Variants in GPATCH2L observed in about 807,000 individuals in gnomAD.
The protein encoded by GPATCH2L is G-patch domain containing 2 like, also known as G patch domain-containing protein 2-like.
GPATCH2L carries 31 observed loss-of-function variants against 57.4 expected under a neutral mutation model. That is an observed-to-expected ratio of 0.54 (90% CI 0.41 to 0.73). GPATCH2L has a LOEUF of 0.73. Among genes scored for constraint, GPATCH2L ranks in the 30% least tolerant of loss-of-function variants. The pLI is 0.00. For missense variants in GPATCH2L, 481 were observed against 599.9 expected (o/e 0.80, Z 2.07); for synonymous variants, 199 against 210.7 (o/e 0.94, Z 0.48).
At position 76,214,208 on chromosome 14, in the gene GPATCH2L, T is replaced by C. The variant is rs917801248; in HGVS notation, c.*12357T>C. 2 of 152,190 alleles carry C rather than the reference T, an allele frequency of 1.3e-5. No homozygotes were observed. The highest frequency in any genetic ancestry group is 4.8e-5 in the African/African-American group (2 of 41,446). 9.4% of individuals were successfully genotyped at this position (152,190 alleles called of 1,614,324 possible). On this transcript the variant is annotated 3_prime_UTR_variant, in exon 10 of 10. Coordinates refer to ENST00000261530, the MANE Select transcript of GPATCH2L (RefSeq NM_017926.4). Reference sequence around the variant, plus strand: ...ATCTTTAAAATGTGGTGTCATCCTATCCAAGAATAGGAGATGTATTTCCAT... The same window carrying C: ...ATCTTTAAAATGTGGTGTCATCCTACCCAAGAATAGGAGATGTATTTCCAT...
chr14:76,176,462 C>T (rs1289967062), intron 5 of GPATCH2L, 161 bp from the exon 6 acceptor site: 5 of 607,950 alleles, frequency 8.2e-6, no homozygotes, highest in South Asian at 6.1e-5. Flanking sequence ...AGATGGATTC[C>T]AATAAAAAGA....
chr14:76,179,420 A>G (rs145321881), intron 7 of GPATCH2L: 1 of 152,254 alleles, frequency 6.6e-6, no homozygotes, highest in Admixed American at 6.5e-5. Context: ...GAGAGACTGC[A>G]GTTTGGGGAA....
chr14:76,190,441 G>A (rs998753234), intron 8 of GPATCH2L, among the ~76,000 whole-genome samples: 3 of 151,854 alleles, frequency 2.0e-5, no homozygotes, highest in Non-Finnish European at 4.4e-5. Flanking sequence ...ACCACAGTGG[G>A]GAAACTATGA....
intron 6 of GPATCH2L, 140 bp downstream of exon 6, chr14:76,176,830 A>T (rs2039348054): frequency 1.6e-6 from 1 of 624,958 alleles, no homozygotes; most frequent in Admixed American, 2.7e-5. Flanking sequence ...ACAGTTAAAT[A>T]TGGCAACATC....
intron 4 of GPATCH2L, 69 bp from the exon 5 acceptor site, chr14:76,173,477 G>A: frequency 2.1e-6 from 2 of 952,898 alleles, no homozygotes; most frequent in African/African-American, 3.2e-5. Context: ...AGCCTTCAGT[G>A]TACTAGAAAC....
At chr14:76,222,098 C>T (rs1438782069) in intron 1 of GPATCH2L, among the ~76,000 whole-genome samples, 1 of 152,098 alleles carries the variant, frequency 6.6e-6, no homozygotes, top group Non-Finnish European at 1.5e-5. Flanking sequence ...TGTACTCCTG[C>T]TCAATTTAGC....
chr14:76,201,600 A>C, intron 9 of GPATCH2L, 91 bp from the exon 10 acceptor site: 1 of 1,012,728 alleles, frequency 9.9e-7, no homozygotes, highest in South Asian at 2.2e-5. Flanking sequence ...GATTAAGAAA[A>C]TTTTTTTTCT....
At position 76,178,151 on chromosome 14, in the gene GPATCH2L, C is replaced by A; in HGVS notation, c.1107+109C>A. 3.1e-6 allele frequency: 4 copies of A among 1,282,720 alleles called. No homozygotes were observed. The Admixed American group carries it at 5.6e-5, about 18-fold the overall frequency. The allele number at this position is 1,282,720 out of a possible 1,614,324, so 79.5% of individuals were successfully genotyped here. ...AGCTAATTCCTCTTTGTAGGTTCAA[C>A]TGTGATCATTAGTTTCTTGTAGCAT... On this transcript the variant is annotated intron_variant, in intron 7 of 9. Coordinates refer to ENST00000261530, the MANE Select transcript of GPATCH2L (RefSeq NM_017926.4).
chr14:76,230,920 G>A (rs763651929), intron 2 of GPATCH2L, among the ~76,000 whole-genome samples: 3 of 152,116 alleles, frequency 2.0e-5, no homozygotes, highest in Non-Finnish European at 4.4e-5. Context: ...AGGGGTGGAG[G>A]GCTTCTGCCT....
At chr14:76,171,773 C>A in intron 3 of GPATCH2L, 70 bp from the exon 4 acceptor site, 15 of 850,904 alleles carry the variant, frequency 1.8e-5, no homozygotes, top group East Asian at 2.8e-5. Context: ...ACTAAGAAAT[C>A]ATCCCTCCCA....
intron 8 of GPATCH2L, among the ~76,000 whole-genome samples, chr14:76,188,289 C>A (rs1170795268): frequency 6.6e-6 from 1 of 152,018 alleles, no homozygotes; most frequent in Non-Finnish European, 1.5e-5. Flanking sequence ...TTTGAGGAAC[C>A]TCCAAACTAT....
At chr14:76,168,727 T>C (rs1245976548) in intron 3 of GPATCH2L, among the ~76,000 whole-genome samples, 1 of 152,208 alleles carries the variant, frequency 6.6e-6, no homozygotes, top group African/African-American at 2.4e-5. Context: ...CCAGAGTCAG[T>C]AGGATGAGTA....
At chr14:76,216,249 A>G (rs953508744), downstream of GPATCH2L, among the ~76,000 whole-genome samples, 2 of 151,818 alleles carry the variant, frequency 1.3e-5, no homozygotes. Flanking sequence ...CTGTCTCACC[A>G]ACCTAAAAAT....
chr14:76,173,567 G>A lies in GPATCH2L; in HGVS notation c.926G>A (p.Arg309His), dbSNP rs781733578. The A allele has an allele frequency of 4.3e-6, 7 of 1,612,624 alleles. No homozygotes were observed. The highest frequency in any genetic ancestry group is 1.1e-5 in the South Asian group (1 of 90,988). Residue 309 changes from arginine (R) to histidine (H), a missense_variant, in exon 5 of 10, where the codon CGT becomes CAT. This residue lies in a region of GPATCH2L where 248 missense variants were observed against 270.5 expected (regional missense o/e 0.92). Coordinates refer to ENST00000261530, the MANE Select transcript of GPATCH2L (RefSeq NM_017926.4). ...AQRGYHTRLNRLPGAAARCLR... is the reference protein window; with the variant it reads ...AQRGYHTRLNHLPGAAARCLR... ...TTAGGGTACCATACTCGCTTGAATC[G>A]TCTACCTGGAGCTGCAGCTCGATGC...
At chr14:76,198,634 G>C (rs1336995251) in intron 9 of GPATCH2L, among the ~76,000 whole-genome samples, 1 of 152,180 alleles carries the variant, frequency 6.6e-6, no homozygotes, top group Admixed American at 6.5e-5. Context: ...TTCTGGGATA[G>C]GATATGTGTG....
chr14:76,217,229 C>T (rs2040493816), downstream of GPATCH2L, among the ~76,000 whole-genome samples: 1 of 152,216 alleles, frequency 6.6e-6, no homozygotes, highest in South Asian at 2.1e-4. Flanking sequence ...TTTTCTGCCA[C>T]CTTTAAAGTG....
At chr14:76,188,672 G>T (rs948465283) in intron 8 of GPATCH2L, among the ~76,000 whole-genome samples, 2 of 152,128 alleles carry the variant, frequency 1.3e-5, no homozygotes, top group Non-Finnish European at 2.9e-5. Flanking sequence ...TCACTTTGTT[G>T]ATTGTTTCCT....
chr14:76,188,630 AGAT>A (rs1056796331), intron 8 of GPATCH2L, among the ~76,000 whole-genome samples: 2 of 151,474 alleles, frequency 1.3e-5, no homozygotes, highest in African/African-American at 4.8e-5. Flanking sequence ...GGTAGTTTGC[AGAT>A]ATTTTCTCCC....
At chr14:76,229,341 ACT>A (rs1347297024) in intron 1 of GPATCH2L, among the ~76,000 whole-genome samples, 1 of 152,108 alleles carries the variant, frequency 6.6e-6, no homozygotes, top group East Asian at 1.9e-4. Context: ...CAGGGACTAA[ACT>A]CTGTGGCCCA....
Sources: gnomAD v4.1 joint callset for allele counts (sites outside exome capture counted in the v4.1 genomes callset) on GRCh38, gnomAD v4.1.1 for gene constraint, gnomAD v4.1.1 regional missense constraint, MANE v1.5 for transcripts, NCBI Gene and HGNC (gene_info 2026-07-23, HGNC 2026-07-21) for gene names.